CNTN5: variants seen among roughly 807,000 people sequenced by gnomAD.
CNTN5 encodes the protein contactin 5.
A neutral mutation model predicts 129.1 loss-of-function variants in CNTN5; 77 were observed. The ratio of observed to expected loss-of-function variants is 0.60; its 90% CI spans 0.50 to 0.72. The LOEUF is 0.72. Ranked by LOEUF, CNTN5 falls within the 30% of genes least tolerant of loss-of-function variation. The probability of loss-of-function intolerance (pLI) is 0.00; values close to 1 mark genes in which losing one functional copy is unlikely to be tolerated. For missense variants in CNTN5, 1,478 were observed against 1,328.8 expected (o/e 1.11, Z -1.75); for synonymous variants, 509 against 465.6 (o/e 1.09, Z -1.20).
intron 3 of CNTN5, among the ~76,000 whole-genome samples, chr11:99,581,162 T>G (rs1188862882): frequency 8.1e-6 from 1 of 123,292 alleles, no homozygotes; most frequent in Non-Finnish European, 1.7e-5. Flanking sequence ...TTCTTAATCC[T>G]GAGTTCTACT....
At chr11:99,626,225 T>C (rs758114189) in intron 3 of CNTN5, among the ~76,000 whole-genome samples, 3 of 152,044 alleles carry the variant, frequency 2.0e-5, no homozygotes, top group Non-Finnish European at 2.9e-5. Context: ...GATGGAAACA[T>C]AGATTTTCTG....
intron 2 of CNTN5, among the ~76,000 whole-genome samples, chr11:99,504,107 G>A (rs1006537907): frequency 6.6e-6 from 1 of 152,138 alleles, no homozygotes; most frequent in Non-Finnish European, 1.5e-5. Flanking sequence ...AACAGGGGCT[G>A]CACAGATTTA....
intron 2 of CNTN5, among the ~76,000 whole-genome samples, chr11:99,470,591 G>A (rs896063158): frequency 1.3e-5 from 2 of 151,884 alleles, no homozygotes; most frequent in African/African-American, 4.8e-5. Flanking sequence ...TTTATTACCT[G>A]ATATAATATG....
chr11:99,720,606 C>T (rs1943139971), intron 3 of CNTN5, among the ~76,000 whole-genome samples: 1 of 151,960 alleles, frequency 6.6e-6, no homozygotes, highest in Non-Finnish European at 1.5e-5. Flanking sequence ...ACAAGGATGC[C>T]CTCTCTTACC....
chr11:99,218,004 A>G (rs1271445758), intron 1 of CNTN5, among the ~76,000 whole-genome samples: 1 of 152,176 alleles, frequency 6.6e-6, no homozygotes, highest in Non-Finnish European at 1.5e-5. Context: ...GCTTCCTTTT[A>G]GTGTAAAACT....
At chr11:99,283,625 T>C (rs1014955448) in intron 1 of CNTN5, among the ~76,000 whole-genome samples, 1 of 152,180 alleles carries the variant, frequency 6.6e-6, no homozygotes, top group Admixed American at 6.6e-5. Flanking sequence ...AGCATTGTAT[T>C]ACAAAGACCA....
intron 2 of CNTN5, among the ~76,000 whole-genome samples, chr11:99,495,309 A>G (rs1946183515): frequency 6.6e-6 from 1 of 152,332 alleles, no homozygotes; most frequent in Middle Eastern, 3.4e-3. Context: ...CGGAGGCTGT[A>G]GAGAGCTGAG....
chr11:100,256,585 T>G (rs1950074965), intron 17 of CNTN5, among the ~76,000 whole-genome samples: 1 of 152,104 alleles, frequency 6.6e-6, no homozygotes, highest in Non-Finnish European at 1.5e-5. Flanking sequence ...ATTTCTGCAT[T>G]TCCAATTGAG....
chr11:99,674,317 A>G (rs10790883), intron 3 of CNTN5, among the ~76,000 whole-genome samples: 37,579 of 151,300 alleles, frequency 0.25, 4,836 homozygotes, highest in South Asian at 0.31. Flanking sequence ...TTTTCTTGTA[A>G]ACATGTTTAG....
chr11:99,596,948 C>T (rs1950145905), intron 3 of CNTN5, among the ~76,000 whole-genome samples: 2 of 152,050 alleles, frequency 1.3e-5, no homozygotes, highest in Admixed American at 6.6e-5. Flanking sequence ...TCCTGTTATA[C>T]ATGGGAAGTT....
At chr11:99,328,534 T>C (rs373905675) in intron 2 of CNTN5, among the ~76,000 whole-genome samples, 1 of 152,020 alleles carries the variant, frequency 6.6e-6, no homozygotes, top group African/African-American at 2.4e-5. Context: ...GAAAATATTG[T>C]TTTCCAGTAT....
chr11:99,450,768 G>GTTTTTTTT (rs34146715), intron 2 of CNTN5, among the ~76,000 whole-genome samples: 21 of 105,000 alleles, frequency 2.0e-4, no homozygotes, highest in South Asian at 3.5e-4. Flanking sequence ...ATTGAAGCAA[G>GTTTTTTTT]TTTTTTTTTT....
At chr11:99,360,015 C>A (rs143654199) in intron 2 of CNTN5, among the ~76,000 whole-genome samples, 1 of 152,012 alleles carries the variant, frequency 6.6e-6, no homozygotes, top group East Asian at 1.9e-4. Context: ...TCATATACCC[C>A]ATAAATACAT....
At chr11:99,046,627 TATA>T (rs1190114554) in intron 1 of CNTN5, among the ~76,000 whole-genome samples, 2 of 152,158 alleles carry the variant, frequency 1.3e-5, no homozygotes, top group East Asian at 1.9e-4. Flanking sequence ...CCGAGAAAGG[TATA>T]ATATCTTCAT....
intron 1 of CNTN5, among the ~76,000 whole-genome samples, chr11:99,137,481 T>A (rs1021834284): frequency 6.6e-6 from 1 of 152,234 alleles, no homozygotes; most frequent in Non-Finnish European, 1.5e-5. Context: ...TAAGAAAATA[T>A]GTGGAGAATT....
intron 17 of CNTN5, 67 bp from the exon 18 acceptor site, chr11:100,271,025 T>C (rs2138782429): frequency 1.5e-6 from 2 of 1,302,350 alleles, no homozygotes; most frequent in East Asian, 2.4e-5. Flanking sequence ...GCATTAATAT[T>C]CTTGATTGCC....
chr11:99,272,344 T>C (rs896658615), intron 1 of CNTN5, among the ~76,000 whole-genome samples: 17 of 151,648 alleles, frequency 1.1e-4, no homozygotes, highest in African/African-American at 3.1e-4. Context: ...TTGGTCAACA[T>C]AGAGTTTTGC....
intron 1 of CNTN5, among the ~76,000 whole-genome samples, chr11:99,040,152 G>A (rs1034202379): frequency 1.3e-5 from 2 of 152,022 alleles, no homozygotes; most frequent in Non-Finnish European, 1.5e-5. Flanking sequence ...GAAAAATGAT[G>A]CAGGAAGTGG....
intron 21 of CNTN5, among the ~76,000 whole-genome samples, chr11:100,332,586 T>C (rs1951926974): frequency 6.6e-6 from 1 of 151,264 alleles, no homozygotes; most frequent in African/African-American, 2.4e-5. Context: ...AAAATCCTTA[T>C]GTCAAAAAGA....
Sources: gnomAD v4.1 joint callset for allele counts (sites outside exome capture counted in the v4.1 genomes callset) on GRCh38, gnomAD v4.1.1 for gene constraint, MANE v1.5 for transcripts, NCBI Gene and HGNC (gene_info 2026-07-23, HGNC 2026-07-21) for gene names.